The following CTNNA3 variants were observed in gnomAD, a reference collection of about 807,000 sequenced individuals.
CTNNA3 encodes catenin alpha-3.
A neutral mutation model predicts 95.7 loss-of-function variants in CTNNA3; 76 were observed. The ratio of observed to expected loss-of-function variants is 0.79; its 90% confidence interval spans 0.66 to 0.96. The LOEUF (loss-of-function observed/expected upper bound fraction) is 0.96, where lower values mean the gene tolerates loss of function less well. CTNNA3 is among the 40% of genes least tolerant of loss of function. The pLI, the probability that CTNNA3 is intolerant of heterozygous loss-of-function variation, is 0.00. For missense variants in CTNNA3, 1,191 were observed against 1,089.8 expected (o/e 1.09, Z -1.31); for synonymous variants, 431 against 374.4 (o/e 1.15, Z -1.74).
chr10:66,957,594 G>C (rs1848893196), intron 7 of CTNNA3, among the ~76,000 whole-genome samples: 1 of 151,742 alleles, frequency 6.6e-6, no homozygotes, highest in African/African-American at 2.4e-5. Flanking sequence ...AGCTGTGCCA[G>C]TCTGGATTCT....
intron 7 of CTNNA3, among the ~76,000 whole-genome samples, chr10:66,885,558 A>G (rs553795910): frequency 4.5e-4 from 69 of 152,046 alleles, no homozygotes; most frequent in African/African-American, 1.4e-3. Flanking sequence ...AGTCTGTTAG[A>G]GAAACACTGG....
intron 5 of CTNNA3, among the ~76,000 whole-genome samples, chr10:67,352,675 G>A (rs186824264): frequency 5.3e-5 from 8 of 151,970 alleles, no homozygotes; most frequent in Admixed American, 3.9e-4. Context: ...CTGTTACTAC[G>A]AAATGTAACT....
intron 5 of CTNNA3, among the ~76,000 whole-genome samples, chr10:67,436,895 C>T (rs1383431911): frequency 6.6e-6 from 1 of 152,126 alleles, no homozygotes. Context: ...CTAGTACAGC[C>T]ACTATGGAAG....
chr10:66,415,526 C>T (rs1399668894), intron 11 of CTNNA3, among the ~76,000 whole-genome samples: 1 of 152,152 alleles, frequency 6.6e-6, no homozygotes, highest in African/African-American at 2.4e-5. Context: ...GCTGCCACTA[C>T]TGGGCTTTGA....
At chr10:66,400,932 C>T (rs1456769101) in intron 11 of CTNNA3, among the ~76,000 whole-genome samples, 1 of 152,052 alleles carries the variant, frequency 6.6e-6, no homozygotes, top group Non-Finnish European at 1.5e-5. Flanking sequence ...TACCTACTGT[C>T]TGATAAGTAC....
At chr10:66,222,748 A>AAAAGG (rs2089035583) in intron 13 of CTNNA3, among the ~76,000 whole-genome samples, 1 of 151,910 alleles carries the variant, frequency 6.6e-6, no homozygotes, top group African/African-American at 2.4e-5. Flanking sequence ...AAAATGAAAG[A>AAAAGG]AAAGGAAAAG....
chr10:67,202,178 C>CA (rs1284036376), intron 6 of CTNNA3, among the ~76,000 whole-genome samples: 1 of 151,054 alleles, frequency 6.6e-6, no homozygotes, highest in Non-Finnish European at 1.5e-5. Context: ...AATTCAGTTT[C>CA]AAAAAATAAT....
intron 11 of CTNNA3, among the ~76,000 whole-genome samples, chr10:66,442,508 G>T (rs114647456): frequency 0.018 from 2,729 of 152,204 alleles, 76 homozygotes; most frequent in African/African-American, 0.062. Context: ...TGAATTCTAT[G>T]TTAATAGATT....
At chr10:67,707,273 A>C (rs1055108402) in intron 1 of CTNNA3, among the ~76,000 whole-genome samples, 1 of 152,094 alleles carries the variant, frequency 6.6e-6, no homozygotes, top group African/African-American at 2.4e-5. Context: ...TCTTTACCAA[A>C]TCTACAAGAC....
At chr10:66,409,011 A>G (rs12782380) in intron 11 of CTNNA3, among the ~76,000 whole-genome samples, 39,831 of 152,022 alleles carry the variant, frequency 0.26, 5,755 homozygotes, top group East Asian at 0.49. Flanking sequence ...ACAGTATACC[A>G]AAACAAAATT....
intron 15 of CTNNA3, among the ~76,000 whole-genome samples, chr10:66,059,045 C>T (rs2080141969): frequency 6.6e-6 from 1 of 151,494 alleles, no homozygotes; most frequent in South Asian, 2.1e-4. Context: ...GAAGGTTGGC[C>T]CATTACCAGA....
intron 9 of CTNNA3, among the ~76,000 whole-genome samples, chr10:66,638,893 T>C (rs1011975691): frequency 6.6e-6 from 1 of 152,156 alleles, no homozygotes; most frequent in Non-Finnish European, 1.5e-5. Flanking sequence ...CCTCTCATTC[T>C]GCCTTTTTCA....
At chr10:66,034,781 A>G (rs1356664224) in intron 15 of CTNNA3, among the ~76,000 whole-genome samples, 2 of 152,198 alleles carry the variant, frequency 1.3e-5, no homozygotes, top group Non-Finnish European at 2.9e-5. Context: ...TGAAGGGAAA[A>G]CAGACACCAC....
chr10:66,841,152 C>T (rs902084426), intron 7 of CTNNA3, among the ~76,000 whole-genome samples: 3 of 152,124 alleles, frequency 2.0e-5, no homozygotes, highest in Non-Finnish European at 2.9e-5. Context: ...AAATTAACCA[C>T]ATAATGAAAA....
chr10:67,487,405 G>A (rs919066070), intron 5 of CTNNA3, among the ~76,000 whole-genome samples: 25 of 152,246 alleles, frequency 1.6e-4, no homozygotes, highest in South Asian at 8.3e-4. Flanking sequence ...GGAAACCCAC[G>A]GAAGAGTGTG....
intron 1 of CTNNA3, among the ~76,000 whole-genome samples, chr10:67,657,090 T>A (rs1350704028): frequency 6.6e-6 from 1 of 152,120 alleles, no homozygotes; most frequent in Non-Finnish European, 1.5e-5. Flanking sequence ...GTAGATATAG[T>A]TTGACAATTG....
chr10:67,251,893 T>C (rs1451498114), intron 5 of CTNNA3, among the ~76,000 whole-genome samples: 1 of 152,022 alleles, frequency 6.6e-6, no homozygotes, highest in Non-Finnish European at 1.5e-5. Context: ...AGATCATCAC[T>C]AGTGGCCTCA....
intron 14 of CTNNA3, among the ~76,000 whole-genome samples, chr10:66,079,730 T>A (rs763880286): frequency 9.9e-5 from 15 of 151,942 alleles, no homozygotes; most frequent in Non-Finnish European, 1.8e-4. Flanking sequence ...TGACCAAGAC[T>A]AATGATCCAT....
intron 13 of CTNNA3, among the ~76,000 whole-genome samples, chr10:66,169,038 T>C (rs987417046): frequency 1.3e-5 from 2 of 152,206 alleles, no homozygotes; most frequent in African/African-American, 4.8e-5. Context: ...CCTTCTCATG[T>C]ACCAATTAAT....
Sources: allele counts gnomAD v4.1 joint callset (sites outside exome capture counted in the v4.1 genomes callset), GRCh38; gene constraint gnomAD v4.1.1; transcripts MANE v1.5; gene names NCBI Gene and HGNC (gene_info 2026-07-23, HGNC 2026-07-21).